The following SCFD2 variants were observed in gnomAD, a reference collection of about 807,000 sequenced individuals.
SCFD2 encodes sec1 family domain-containing protein 2.
In SCFD2, 54 loss-of-function variants were observed where a neutral mutation model predicts 58.9. The ratio of observed to expected loss-of-function variants is 0.92; its 90% CI spans 0.74 to 1.15. The LOEUF (loss-of-function observed/expected upper bound fraction) is 1.15. SCFD2 is among the 50% of genes most tolerant of loss of function. SCFD2 has a pLI of 0.00. For missense variants in SCFD2, 805 were observed against 836.6 expected (o/e 0.96, Z 0.47); for synonymous variants, 321 against 335.9 (o/e 0.96, Z 0.49).
chr4:53,255,455 A>G (rs1730577762), intron 4 of SCFD2, among the ~76,000 whole-genome samples: 1 of 152,068 alleles, frequency 6.6e-6, no homozygotes, highest in Non-Finnish European at 1.5e-5. Flanking sequence ...TTAACAAAGC[A>G]CATCTTGCAC....
chr4:53,133,091 G>A (rs1725836518), intron 5 of SCFD2, among the ~76,000 whole-genome samples: 1 of 152,134 alleles, frequency 6.6e-6, no homozygotes, highest in South Asian at 2.1e-4. Flanking sequence ...CACTTTGGGA[G>A]GCCGAGGCGG....
At chr4:53,170,116 G>A (rs1727136194) in intron 4 of SCFD2, among the ~76,000 whole-genome samples, 2 of 152,256 alleles carry the variant, frequency 1.3e-5, no homozygotes, top group African/African-American at 4.8e-5. Flanking sequence ...CAAAGGTAGT[G>A]TGGTTTTTCT....
intron 4 of SCFD2, among the ~76,000 whole-genome samples, chr4:53,244,814 A>T (rs115048015): frequency 0.025 from 3,086 of 125,772 alleles, 119 homozygotes; most frequent in African/African-American, 0.083. Flanking sequence ...GCCTTGGGGT[A>T]TTTCTGAAAA....
rs556328990 is a variant in SCFD2 at position 52,941,807 on chromosome 4, C to G, written c.1562-20937G>C. ...ATGTGAATACTACAGGTTGAGTATCCTTTATCCAAAATGCTTCGGACCAGA... is the reference window on the plus strand; with the variant it reads ...ATGTGAATACTACAGGTTGAGTATCGTTTATCCAAAATGCTTCGGACCAGA... On this transcript the variant is annotated intron_variant, in intron 5 of 8. Coordinates refer to ENST00000401642, the MANE Select transcript of SCFD2 (RefSeq NM_152540.4). Among the ~76,000 whole-genome samples, 3 of 152,308 alleles carry G rather than the reference C, an allele frequency of 2.0e-5. No individual in the cohort carries two copies. In the South Asian group the frequency reaches 6.2e-4, roughly 32 times the overall value.
At chr4:52,943,826 G>C (rs188745033) in intron 5 of SCFD2, among the ~76,000 whole-genome samples, 121 of 152,272 alleles carry the variant, frequency 7.9e-4, no homozygotes, top group African/African-American at 2.7e-3. Flanking sequence ...ACCCATCTTG[G>C]CTTCCTTCTT....
At chr4:52,930,873 A>AG (rs1719976258) in intron 5 of SCFD2, among the ~76,000 whole-genome samples, 1 of 152,222 alleles carries the variant, frequency 6.6e-6, no homozygotes, top group Non-Finnish European at 1.5e-5. Context: ...TTCTTTAAAA[A>AG]GGTAGGCATC....
chr4:53,157,281 A>T (rs1213911144), intron 4 of SCFD2, among the ~76,000 whole-genome samples: 1 of 152,244 alleles, frequency 6.6e-6, no homozygotes, highest in African/African-American at 2.4e-5. Flanking sequence ...TCCAAAATAC[A>T]AGGTAGACCA....
rs374395403 is a variant in SCFD2 at position 53,218,672 on chromosome 4, C to T, written c.1311+55154G>A. 5.9e-5 allele frequency among the ~76,000 whole-genome samples: 9 copies of T among 152,356 alleles called. 1 individual carries two copies. In the South Asian group the frequency reaches 1.4e-3, roughly 25 times the overall value. ...AAGACATTCTCCGTCCAGCTTTCTTCCGTTGCTGGCGACGAGCTGCATTCC... is the reference window on the plus strand; with the variant it reads ...AAGACATTCTCCGTCCAGCTTTCTTTCGTTGCTGGCGACGAGCTGCATTCC... On this transcript the variant is annotated intron_variant, in intron 4 of 8. Coordinates refer to ENST00000401642, the MANE Select transcript of SCFD2 (RefSeq NM_152540.4).
At chr4:53,225,740 A>G (rs549518923) in intron 4 of SCFD2, among the ~76,000 whole-genome samples, 1 of 152,326 alleles carries the variant, frequency 6.6e-6, no homozygotes, top group South Asian at 2.1e-4. Context: ...TGAGGTAGAT[A>G]ATTTCTACCA....
intron 3 of SCFD2, among the ~76,000 whole-genome samples, chr4:53,306,460 C>A (rs1423212560): frequency 6.6e-6 from 1 of 152,068 alleles, no homozygotes; most frequent in Non-Finnish European, 1.5e-5. Flanking sequence ...TAATACGTAT[C>A]AGAAAGGAAA....
At chr4:53,321,307 G>A (rs1251721215) in intron 2 of SCFD2, among the ~76,000 whole-genome samples, 2 of 151,934 alleles carry the variant, frequency 1.3e-5, no homozygotes, top group Non-Finnish European at 2.9e-5. Flanking sequence ...AATGCAGTCT[G>A]CTAGAAACTA....
intron 5 of SCFD2, among the ~76,000 whole-genome samples, chr4:52,928,031 G>C (rs967134547): frequency 4.6e-5 from 7 of 152,032 alleles, no homozygotes; most frequent in Non-Finnish European, 1.0e-4. Flanking sequence ...GTGAGTTTAA[G>C]TTCTAACATA....
rs1452966538 is a variant in SCFD2 at position 53,281,258 on chromosome 4, T to A, written c.1136-7257A>T. 2.0e-5 allele frequency among the ~76,000 whole-genome samples: 3 copies of A among 152,374 alleles called. No individual in the cohort carries two copies. In the South Asian group the frequency reaches 6.2e-4, roughly 32 times the overall value. Reference sequence around the variant, plus strand: ...CTTTTTAACTGTGCTAATATTTTTATCAAGAGTTTTAATGTTTTTGTAAGT... The same window carrying A: ...CTTTTTAACTGTGCTAATATTTTTAACAAGAGTTTTAATGTTTTTGTAAGT... On this transcript the variant is annotated intron_variant, in intron 3 of 8. Transcript: ENST00000401642.
At chr4:53,331,866 A>G (rs1295396672) in intron 2 of SCFD2, among the ~76,000 whole-genome samples, 7 of 152,130 alleles carry the variant, frequency 4.6e-5, no homozygotes, top group East Asian at 1.9e-4. Context: ...TAATAAAGAA[A>G]AAAAGAGAGA....
chr4:52,893,779 A>T (rs1318675689), intron 7 of SCFD2, among the ~76,000 whole-genome samples: 1 of 152,188 alleles, frequency 6.6e-6, no homozygotes, highest in Non-Finnish European at 1.5e-5. Flanking sequence ...CTATTTATTG[A>T]GCATCTACAA....
At chr4:53,248,321 T>C (rs1353659904) in intron 4 of SCFD2, among the ~76,000 whole-genome samples, 3 of 152,140 alleles carry the variant, frequency 2.0e-5, no homozygotes, top group Non-Finnish European at 4.4e-5. Context: ...GAGATCAAAC[T>C]GCAAGGTGGC....
intron 6 of SCFD2, among the ~76,000 whole-genome samples, chr4:52,910,836 C>T (rs1719467233): frequency 6.6e-6 from 1 of 152,118 alleles, no homozygotes; most frequent in African/African-American, 2.4e-5. Context: ...GTTTTACAAG[C>T]AGCTTTTCCC....
At chr4:53,335,194 C>CAAAAAAAAAAAAAAAAAAAAAAAA (rs56344451) in intron 2 of SCFD2, among the ~76,000 whole-genome samples, 3 of 80,594 alleles carry the variant, frequency 3.7e-5, no homozygotes, top group Non-Finnish European at 4.0e-5. Context: ...GACTCCGTCT[C>CAAAAAAAAAAAAAAAAAAAAAAAA]AAAAAAAAAA....
chr4:53,251,029 A>G (rs1730352069), intron 4 of SCFD2, among the ~76,000 whole-genome samples: 1 of 152,256 alleles, frequency 6.6e-6, no homozygotes, highest in African/African-American at 2.4e-5. Context: ...AAATAGATGC[A>G]ATAAAAAATG....
Sources: allele counts gnomAD v4.1 joint callset (sites outside exome capture counted in the v4.1 genomes callset), GRCh38; gene constraint gnomAD v4.1.1; transcripts MANE v1.5; gene names NCBI Gene and HGNC (gene_info 2026-07-23, HGNC 2026-07-21).